The following LRRK1 variants were observed in gnomAD, a reference collection of about 807,000 sequenced individuals.
LRRK1 encodes leucine rich repeat kinase 1.
Under a neutral mutation model 209.1 loss-of-function variants are expected in LRRK1, and 113 were observed. That is an observed-to-expected ratio of 0.54 (90% confidence interval 0.46 to 0.63). The LOEUF is 0.63. Among genes scored for constraint, LRRK1 ranks in the 30% least tolerant of loss-of-function variants. The pLI, the probability that LRRK1 is intolerant of heterozygous loss-of-function variation, is 0.00. For missense variants in LRRK1, 2,284 were observed against 2,632.2 expected, an observed-to-expected ratio of 0.87 and a Z score of 2.89; for synonymous variants, 1,144 against 1,099.7, an observed-to-expected ratio of 1.04 and a Z score of -0.80.
intron 31 of LRRK1, among the ~76,000 whole-genome samples, chr15:101,063,363 G>A (rs1249143069): frequency 1.3e-5 from 2 of 152,154 alleles, no homozygotes; most frequent in Admixed American, 6.5e-5. Flanking sequence ...CTGGGCCCTT[G>A]ACATCCCAGC....
chr15:101,044,466 C>A (rs1040373962), intron 20 of LRRK1, among the ~76,000 whole-genome samples: 3 of 152,228 alleles, frequency 2.0e-5, no homozygotes, highest in African/African-American at 7.2e-5. Flanking sequence ...ACTGGTCATT[C>A]CCTGGGACGG....
chr15:101,012,253 G>A (rs558660109), intron 10 of LRRK1, 108 bp downstream of exon 10: 2 of 1,035,438 alleles, frequency 1.9e-6, no homozygotes, highest in Admixed American at 2.4e-5. Flanking sequence ...TAAATATAAG[G>A]GGAAAAGATG....
At position 101,012,148 on chromosome 15, in the gene LRRK1, A is replaced by G; in HGVS notation, c.1419+3A>G. The stretch of plus-strand genomic sequence containing the variant: ...CCCTGGGACTTTTCCAGCTTGATGT[A>G]AGCCTAATAGCCCTTTCTTTCTCAT... On this transcript the variant is annotated splice_donor_region_variant and intron_variant, in intron 10 of 33. Coordinates refer to ENST00000388948, the MANE Select transcript of LRRK1 (RefSeq NM_024652.6). 1 of 1,604,450 alleles carries G rather than the reference A, an allele frequency of 6.2e-7. No homozygotes were observed. Among genetic ancestry groups the G allele is most frequent in the Non-Finnish European group, 8.5e-7 (1 of 1,177,210 alleles).
chr15:101,061,432 C>T, intron 30 of LRRK1, 144 bp downstream of exon 30: 1 of 613,194 alleles, frequency 1.6e-6, no homozygotes, highest in Non-Finnish European at 2.9e-6. Context: ...GTGCAGTCCC[C>T]AAGTAATGCC....
At chr15:100,996,822 C>G (rs1381623459) in intron 6 of LRRK1, among the ~76,000 whole-genome samples, 1 of 152,064 alleles carries the variant, frequency 6.6e-6, no homozygotes, top group Non-Finnish European at 1.5e-5. Context: ...TAGTTAACGA[C>G]AGAGAAAAAT....
chr15:100,983,875 T>A, intron 4 of LRRK1, 176 bp downstream of exon 4: 1 of 764,176 alleles, frequency 1.3e-6, no homozygotes, highest in Non-Finnish European at 2.4e-6. Context: ...CACCTCTCAC[T>A]CCCATGAACT....
At chr15:101,010,996 A>G (rs2033209706) in intron 9 of LRRK1, among the ~76,000 whole-genome samples, 159 bp downstream of exon 9, 2 of 152,148 alleles carry the variant, frequency 1.3e-5, no homozygotes, top group South Asian at 4.1e-4. Flanking sequence ...CTCAGCATAC[A>G]GCGAGGCTGT....
chr15:100,948,993 G>A (rs2042594744), intron 2 of LRRK1, among the ~76,000 whole-genome samples: 3 of 151,996 alleles, frequency 2.0e-5, no homozygotes, highest in Middle Eastern at 3.4e-3. Context: ...TAAACCGAAA[G>A]CAAGTAGAAG....
At chr15:101,021,812 G>A (rs752950829) in intron 13 of LRRK1, 33 bp from the exon 14 acceptor site, 4 of 1,112,722 alleles carry the variant, frequency 3.6e-6, no homozygotes, top group Non-Finnish European at 4.0e-6. Context: ...GTGTGTGTGT[G>A]TATTCTCTCG....
chr15:100,991,856 G>T (rs908767574), intron 6 of LRRK1, among the ~76,000 whole-genome samples: 1 of 152,048 alleles, frequency 6.6e-6, no homozygotes, highest in South Asian at 2.1e-4. Flanking sequence ...ATAGGTTCTT[G>T]TTATATTTAG....
At chr15:100,923,916 T>G (rs1339977765) in intron 1 of LRRK1, among the ~76,000 whole-genome samples, 1 of 152,244 alleles carries the variant, frequency 6.6e-6, no homozygotes, top group African/African-American at 2.4e-5. Context: ...GCAGAATTTT[T>G]GAGGCTCATG....
chr15:101,047,088 G>A (rs1482950759), intron 21 of LRRK1, among the ~76,000 whole-genome samples: 5 of 152,166 alleles, frequency 3.3e-5, no homozygotes, highest in Middle Eastern at 3.2e-3. Context: ...TTGGTTTTGC[G>A]AACCTCTGGC....
At chr15:101,048,346 G>A in intron 21 of LRRK1, 148 bp from the exon 22 acceptor site, 1 of 562,602 alleles carries the variant, frequency 1.8e-6, no homozygotes, top group South Asian at 2.9e-5. Context: ...GTTCAATTTG[G>A]CAGCAGGGAT....
intron 2 of LRRK1, among the ~76,000 whole-genome samples, chr15:100,935,968 C>T (rs981128402): frequency 2.0e-5 from 3 of 152,200 alleles, no homozygotes; most frequent in Admixed American, 6.5e-5. Flanking sequence ...AGCCTCTAGG[C>T]CTCCCAAGGC....
In LRRK1 at chr15:101,024,029, T is replaced by A. The variant is rs532228790; in HGVS notation, c.2068-774T>A. ...GGTGAATTCGTGCTTCTATTTTTCC[T>A]GACCTTCACCCCCACTTCCTTTCTG... On this transcript the variant is annotated intron_variant, in intron 15 of 33. Coordinates refer to ENST00000388948, the MANE Select transcript of LRRK1 (RefSeq NM_024652.6). This position sits in a 1 kb window ranked among gnomAD's most constrained non-coding sequence, Gnocchi z 4.6. 6.6e-6 allele frequency among the ~76,000 whole-genome samples: 1 copy of A among 152,208 alleles called. No homozygotes were observed. Among genetic ancestry groups the A allele is most frequent in the Non-Finnish European group, 1.5e-5 (1 of 68,026 alleles).
chr15:100,944,561 C>T lies in LRRK1; in HGVS notation c.97+19832C>T, dbSNP rs2042502213. On this transcript the variant is annotated intron_variant, in intron 2 of 33. Coordinates refer to ENST00000388948, the MANE Select transcript of LRRK1 (RefSeq NM_024652.6). ...CCTCAAATCCTCACATGATAGACAC[C>T]AGCCTACAATTCTACCAGCTACGGA... 2.0e-5 allele frequency among the ~76,000 whole-genome samples: 3 copies of T among 152,184 alleles called. No individual in the cohort carries two copies. The South Asian group carries it at 6.2e-4, about 32-fold the overall frequency.
At chr15:101,004,083 T>C (rs1474060004) in intron 6 of LRRK1, among the ~76,000 whole-genome samples, 6 of 152,240 alleles carry the variant, frequency 3.9e-5, no homozygotes, top group African/African-American at 1.4e-4. Flanking sequence ...ATTGGCAGCT[T>C]TTCCTTGGCC....
intron 27 of LRRK1, among the ~76,000 whole-genome samples, chr15:101,056,042 G>A (rs1482493308): frequency 6.6e-6 from 1 of 152,204 alleles, no homozygotes; most frequent in Non-Finnish European, 1.5e-5. Flanking sequence ...CTTCATAATA[G>A]TAGCTGACTT....
At position 101,008,915 on chromosome 15, in the gene LRRK1, A is replaced by G; in HGVS notation, c.841A>G (p.Thr281Ala). The change falls in exon 7 of 34, where the codon ACG becomes GCG. Residue 281 changes from threonine (T) to alanine (A), a missense_variant. By Grantham distance (58) the Thr-to-Ala change is moderately conservative. This residue lies in a region of LRRK1 where 494 missense variants were observed against 522.1 expected (regional missense o/e 0.95). Transcript: ENST00000388948. ...DWLIDISCQI[T>A]ELDLSANCLA... ...GCTCATAGACATCTCCTGCCAGATCACGGAGCTCGACCTTTCTGCCAACTG... is the reference window on the plus strand; with the variant it reads ...GCTCATAGACATCTCCTGCCAGATCGCGGAGCTCGACCTTTCTGCCAACTG... 1 of 1,614,118 alleles carries G rather than the reference A, an allele frequency of 6.2e-7. No individual in the cohort carries two copies. Among genetic ancestry groups the G allele is most frequent in the Non-Finnish European group, 8.5e-7 (1 of 1,180,010 alleles).
Sources: gnomAD v4.1 joint callset for allele counts (sites outside exome capture counted in the v4.1 genomes callset) on GRCh38, gnomAD v4.1.1 for gene constraint, gnomAD v4.1.1 regional missense constraint, Gnocchi (gnomAD v3.1) non-coding constraint, MANE v1.5 for transcripts, NCBI Gene and HGNC (gene_info 2026-07-23, HGNC 2026-07-21) for gene names.